Variants in ZNF263 observed in about 807,000 individuals in gnomAD.
The protein encoded by ZNF263 is zinc finger protein 263.
A neutral mutation model predicts 63.1 loss-of-function variants in ZNF263; 49 were observed. The ratio of observed to expected loss-of-function variants is 0.78; its 90% confidence interval spans 0.62 to 0.99. The LOEUF is 0.99. Among genes scored for constraint, ZNF263 ranks in the 50% least tolerant of loss-of-function variants. ZNF263 has a pLI of 0.00. For synonymous variants in ZNF263, 352 were observed against 324.2 expected (o/e 1.09, Z -0.92); for missense variants, 872 against 854.8 (o/e 1.02, Z -0.25).
At chr16:3,295,592 A>C (rs1206855583), downstream of ZNF263, among the ~76,000 whole-genome samples, 1 of 126,800 alleles carries the variant, frequency 7.9e-6, no homozygotes, top group Non-Finnish European at 1.6e-5. Context: ...GGGCGCCAGG[A>C]AAGCGCGGGG....
chr16:3,296,807 T>G (rs1021364315), intron 1 of ZNF263, among the ~76,000 whole-genome samples: 2 of 152,072 alleles, frequency 1.3e-5, no homozygotes, highest in African/African-American at 4.8e-5. Flanking sequence ...AAATGAGAAC[T>G]CCATTAAATG....
At chr16:3,299,619 T>C (rs770524188) in intron 2 of ZNF263, 5 of 1,564,428 alleles carry the variant, frequency 3.2e-6, no homozygotes, top group Non-Finnish European at 4.3e-6. Flanking sequence ...AGATCACACC[T>C]TGATTCATTG....
At position 3,286,003 on chromosome 16, in the gene ZNF263, G is replaced by C; in HGVS notation, c.643-20G>C. 6.2e-7 allele frequency: 1 copy of C among 1,613,994 alleles called. No homozygotes were observed. Among genetic ancestry groups the C allele is most frequent in the Non-Finnish European group, 8.5e-7 (1 of 1,179,976 alleles). On this transcript the variant is annotated intron_variant, in intron 3 of 5. Transcript: ENST00000219069. Reference sequence around the variant, plus strand: ...GTTCTTGGTGCATCAGGGGCTAAAGGAGATCTTGTGCTGTTTCAGTTGCCT... The same window carrying C: ...GTTCTTGGTGCATCAGGGGCTAAAGCAGATCTTGTGCTGTTTCAGTTGCCT...
At chr16:3,299,650 T>C (rs1959875013) in intron 2 of ZNF263, 2 of 1,560,890 alleles carry the variant, frequency 1.3e-6, no homozygotes, top group Non-Finnish European at 1.7e-6. Context: ...GGTTGAAGTG[T>C]TATGGGGGAA....
At chr16:3,294,846 T>G (rs989258543), downstream of ZNF263, among the ~76,000 whole-genome samples, 1 of 152,204 alleles carries the variant, frequency 6.6e-6, no homozygotes, top group Non-Finnish European at 1.5e-5. Context: ...GAGAGTAGTA[T>G]TTCTCCAGGC....
At chr16:3,300,873 A>G (rs1392051224) in intron 2 of ZNF263, 22 of 378,824 alleles carry the variant, frequency 5.8e-5, no homozygotes, top group Non-Finnish European at 9.7e-5. Context: ...ATGAGTGATC[A>G]TTTTTCAGAA....
Position 3,288,850 on chromosome 16 carries a change from T to C in ZNF263, c.886+280T>C, listed in dbSNP as rs749985453. 2.0e-5 allele frequency among the ~76,000 whole-genome samples: 3 copies of C among 152,238 alleles called. 1 individual carries two copies. Reference sequence around the variant, plus strand: ...TTAGTAGAGTCGGGGTTTCTCCATATTGGTCAGGCTGGTCTCCCTGACCTC... The same window carrying C: ...TTAGTAGAGTCGGGGTTTCTCCATACTGGTCAGGCTGGTCTCCCTGACCTC... On this transcript the variant is annotated intron_variant, in intron 5 of 5. Coordinates refer to ENST00000219069, the MANE Select transcript of ZNF263 (RefSeq NM_005741.5).
chr16:3,299,088 T>C (rs1959851931), intron 1 of ZNF263: 1 of 1,425,284 alleles, frequency 7.0e-7, no homozygotes, highest in Non-Finnish European at 9.2e-7. Context: ...TGACTATTTC[T>C]TGTTGCATCT....
Position 3,284,088 on chromosome 16 carries a change from G to A in ZNF263, c.270G>A (p.Leu90=). ...AGCTGCTGGTGTTAGAGCAGTTCCT[G>A]ACCATCCTGCCCCAGGAGATCCAGA... ...ILELLVLEQF[L]TILPQEIQSR... The change falls in exon 1 of 6, where the codon CTG becomes CTA. Residue 90 remains leucine (L), a synonymous_variant. Transcript: ENST00000219069. 1 of 1,613,458 alleles carries A rather than the reference G, an allele frequency of 6.2e-7. No homozygotes were observed. The highest frequency in any genetic ancestry group is 8.5e-7 in the Non-Finnish European group (1 of 1,179,616).
intron 2 of ZNF263, chr16:3,300,677 A>G (rs1313376247): frequency 1.5e-6 from 2 of 1,366,676 alleles, no homozygotes; most frequent in Admixed American, 2.7e-5. Context: ...ATGAATTGGC[A>G]AAAAAAAAAC....
chr16:3,298,957 C>T, intron 1 of ZNF263: 1 of 1,189,700 alleles, frequency 8.4e-7, no homozygotes, highest in Non-Finnish European at 1.1e-6. Flanking sequence ...AATCTTTAAA[C>T]ACAAAATCTA....
Position 3,284,219 on chromosome 16 carries a change from A to C in ZNF263, c.387+14A>C, listed in dbSNP as rs766319744. ...CTGAGACAACAGGTGAGAGAGAGAG[A>C]GAGCTGTTTTATCTGTGGTTTGTTT... On this transcript the variant is annotated intron_variant, in intron 1 of 5. Coordinates refer to ENST00000219069, the MANE Select transcript of ZNF263 (RefSeq NM_005741.5). 7 of 1,511,536 alleles carry C rather than the reference A, an allele frequency of 4.6e-6. No homozygotes were observed. In the Admixed American group the frequency reaches 6.6e-5, roughly 14 times the overall value. 93.6% of individuals were successfully genotyped at this position (1,511,536 alleles called of 1,614,324 possible).
chr16:3,299,780 G>A, intron 2 of ZNF263: 1 of 1,567,860 alleles, frequency 6.4e-7, no homozygotes, highest in Non-Finnish European at 8.6e-7. Flanking sequence ...AGAACATTAA[G>A]TTGAAAATGT....
intron 4 of ZNF263, among the ~76,000 whole-genome samples, chr16:3,287,690 A>G (rs1959429720): frequency 6.6e-6 from 1 of 152,036 alleles, no homozygotes; most frequent in African/African-American, 2.4e-5. Flanking sequence ...GGCACAGCAT[A>G]GAAATGGCAC....
In ZNF263 at chr16:3,291,102, G is replaced by A; in HGVS notation, c.*544G>A. 1.0e-6 allele frequency: 1 copy of A among 988,240 alleles called. No individual in the cohort carries two copies. Among genetic ancestry groups the A allele is most frequent in the Non-Finnish European group, 1.2e-6 (1 of 831,584 alleles). 61.2% of individuals were successfully genotyped at this position (988,240 alleles called of 1,614,324 possible). A position where few individuals can be genotyped will look rare whatever the true frequency, so the allele number is the denominator to read the frequency against. On this transcript the variant is annotated 3_prime_UTR_variant, in exon 6 of 6. Transcript: ENST00000219069. ...GGCAGTCCAGATCAAGCCACCACGT[G>A]CCCTACGATGGCCTAACAGGAGTGC...
Position 3,290,631 on chromosome 16 carries a change from C to T in ZNF263, c.*73C>T. On this transcript the variant is annotated 3_prime_UTR_variant, in exon 6 of 6. Coordinates refer to ENST00000219069, the MANE Select transcript of ZNF263 (RefSeq NM_005741.5). ...GAGCCTGTTGGCAAGAGCTGGTATT[C>T]CCTGCCCAGCCGACCAAATGACCTC... The T allele has an allele frequency of 6.6e-7, 1 of 1,508,506 alleles. No individual in the cohort carries two copies. Among genetic ancestry groups the T allele is most frequent in the Non-Finnish European group, 8.8e-7 (1 of 1,137,006 alleles). The allele number at this position is 1,508,506 out of a possible 1,614,324, so 93.4% of individuals were successfully genotyped here. A position where few individuals can be genotyped will look rare whatever the true frequency, so the allele number is the denominator to read the frequency against.
chr16:3,295,598 C>T (rs1377512007), downstream of ZNF263, among the ~76,000 whole-genome samples: 1 of 152,244 alleles, frequency 6.6e-6, no homozygotes, highest in Non-Finnish European at 1.5e-5. Flanking sequence ...CAGGAAAGCG[C>T]GGGGCCGCCC....
At chr16:3,292,487 G>A (rs955899009), downstream of ZNF263, among the ~76,000 whole-genome samples, 7 of 152,180 alleles carry the variant, frequency 4.6e-5, no homozygotes, top group African/African-American at 1.4e-4. Context: ...ACAGTGGTAG[G>A]AGCAGGACCA....
chr16:3,289,516 C>T lies in ZNF263; in HGVS notation c.1010C>T (p.Pro337Leu), dbSNP rs199591348. 16 of 1,588,352 alleles carry T rather than the reference C, an allele frequency of 1.0e-5. No individual in the cohort carries two copies. In the Admixed American group the frequency reaches 1.5e-4, roughly 15 times the overall value. The change falls in exon 6 of 6, where the codon CCT (proline) becomes CTT (leucine). Residue 337 changes from proline to leucine, a missense_variant. Transcript: ENST00000219069. ...CCCTGGAGTCCTGAGCTGGGAAGAC[C>T]TCATGACCGGTCGCAAGGGGATTGG... is the stretch of plus-strand genomic sequence containing the variant. The part of the protein sequence containing the change: ...EVPWSPELGR[P>L]HDRSQGDWAP...
Sources: gnomAD v4.1 joint callset for allele counts (sites outside exome capture counted in the v4.1 genomes callset) on GRCh38, gnomAD v4.1.1 for gene constraint, MANE v1.5 for transcripts, NCBI Gene and HGNC (gene_info 2026-07-23, HGNC 2026-07-21) for gene names.